Variants in WDR19 observed in about 807,000 individuals in gnomAD.
WDR19 encodes the protein WD repeat-containing protein 19.
A neutral mutation model predicts 180.0 loss-of-function variants in WDR19; 121 were observed. That is an observed-to-expected ratio of 0.67 (90% CI 0.58 to 0.78). The LOEUF (loss-of-function observed/expected upper bound fraction) is 0.78, where lower values mean the gene tolerates loss of function less well. WDR19 is among the 30% of genes least tolerant of loss of function. The pLI is 0.00. For missense variants in WDR19, 1,450 were observed against 1,640.7 expected (o/e 0.88, Z 2.01); for synonymous variants, 497 against 540.7 (o/e 0.92, Z 1.12).
intron 6 of WDR19, among the ~76,000 whole-genome samples, chr4:39,200,301 A>T (rs1727238229): frequency 1.3e-5 from 2 of 152,236 alleles, no homozygotes; most frequent in African/African-American, 4.8e-5. Flanking sequence ...TTAACCATTA[A>T]TCAAAATGTA....
chr4:39,216,281 G>T, intron 12 of WDR19, 71 bp downstream of exon 12: 2 of 1,246,192 alleles, frequency 1.6e-6, no homozygotes. Context: ...AGCACTGCAA[G>T]TTTCTTTTAG....
intron 28 of WDR19, among the ~76,000 whole-genome samples, chr4:39,258,037 T>C (rs147019234): frequency 9.7e-4 from 147 of 152,228 alleles, no homozygotes; most frequent in Middle Eastern, 3.4e-3. Flanking sequence ...TATAGATTTG[T>C]TTTGCCTGTG....
chr4:39,281,232 T>TAGAGAGAGAGAGAGAG (rs542816951), intron 36 of WDR19, among the ~76,000 whole-genome samples: 234 of 100,834 alleles, frequency 2.3e-3, no homozygotes, highest in African/African-American at 4.8e-3. Flanking sequence ...TATATATATA[T>TAGAGAGAGAGAGAGAG]ATATAGAGAG....
intron 14 of WDR19, 113 bp downstream of exon 14, chr4:39,218,218 T>C (rs946936145): frequency 5.1e-5 from 64 of 1,264,762 alleles, no homozygotes; most frequent in Admixed American, 6.9e-5. Context: ...CCAATACAAT[T>C]AATGAAGTTA....
chr4:39,266,652 G>GA (rs1734827872), intron 29 of WDR19, among the ~76,000 whole-genome samples: 3 of 152,162 alleles, frequency 2.0e-5, no homozygotes, highest in Admixed American at 2.0e-4. Flanking sequence ...TAGGAACTAT[G>GA]AAAAAAGATC....
chr4:39,212,866 C>T (rs1728694020), intron 9 of WDR19, among the ~76,000 whole-genome samples: 1 of 152,042 alleles, frequency 6.6e-6, no homozygotes, highest in Non-Finnish European at 1.5e-5. Context: ...GAAAATAATA[C>T]ATTTACTTAT....
At chr4:39,278,430 A>G (rs1311878093) in intron 35 of WDR19, 109 bp from the exon 36 acceptor site, 1 of 852,928 alleles carries the variant, frequency 1.2e-6, no homozygotes, top group South Asian at 1.8e-5. Context: ...CATGGTGGAC[A>G]TGTGTTAAGA....
At chr4:39,244,113 T>A in intron 21 of WDR19, 135 bp from the exon 22 acceptor site, 1 of 1,077,018 alleles carries the variant, frequency 9.3e-7, no homozygotes, top group Non-Finnish European at 1.2e-6. Context: ...TATTTTAAAA[T>A]CATGAGGCTT....
chr4:39,205,502 AC>A, intron 8 of WDR19, 60 bp from the exon 9 acceptor site: 1 of 1,532,650 alleles, frequency 6.5e-7, no homozygotes, highest in Non-Finnish European at 8.8e-7. Flanking sequence ...TTGCTAATTT[AC>A]CATGTTGCCA....
chr4:39,205,421 C>T, intron 8 of WDR19, 142 bp from the exon 9 acceptor site: 1 of 1,178,226 alleles, frequency 8.5e-7, no homozygotes, highest in Non-Finnish European at 1.2e-6. Flanking sequence ...TGCAAAACTA[C>T]CTAGTATATT....
In WDR19 at chr4:39,245,517, A is replaced by G. The variant is rs916475262; in HGVS notation, c.2729+65A>G. The stretch of plus-strand genomic sequence containing the variant: ...TGTAAGCTTTACAAATTAACCATTG[A>G]TATTTGCAACCCTGTAAGAAAGGCA... On this transcript the variant is annotated intron_variant, in intron 24 of 36. Transcript: ENST00000399820. 7 of 1,510,374 alleles carry G rather than the reference A, an allele frequency of 4.6e-6. No individual in the cohort carries two copies. The highest frequency in any genetic ancestry group is 6.3e-6 in the Non-Finnish European group (7 of 1,104,444). The allele number at this position is 1,510,374 out of a possible 1,614,324, so 93.6% of individuals were successfully genotyped here. A position where few individuals can be genotyped will look rare whatever the true frequency, so the allele number is the denominator to read the frequency against.
chr4:39,266,072 G>A lies in WDR19; in HGVS notation c.3193G>A (p.Ala1065Thr), dbSNP rs961651026. Reference protein sequence around the residue: ...IEMAIETVGQAKDELLTNQLI... With the variant: ...IEMAIETVGQTKDELLTNQLI... Reference sequence around the variant, plus strand: ...CTCTCTTATTAAACAGGTTGGTCAGGCCAAAGATGAACTGCTGACCAATCA... The same window carrying A: ...CTCTCTTATTAAACAGGTTGGTCAGACCAAAGATGAACTGCTGACCAATCA... The change falls in exon 29 of 37, where the codon GCC becomes ACC. Residue 1065 changes from alanine to threonine, a missense_variant. Physicochemically the swap from Ala to Thr is moderately conservative, Grantham distance 58. Coordinates refer to ENST00000399820, the MANE Select transcript of WDR19 (RefSeq NM_025132.4). 4 of 1,554,872 alleles carry A rather than the reference G, an allele frequency of 2.6e-6. No homozygotes were observed. The highest frequency in any genetic ancestry group is 1.9e-5 in the Admixed American group (1 of 51,308).
At chr4:39,222,412 T>A (rs887224536) in intron 14 of WDR19, among the ~76,000 whole-genome samples, 3 of 152,236 alleles carry the variant, frequency 2.0e-5, no homozygotes, top group Non-Finnish European at 2.9e-5. Flanking sequence ...TTTTTTTTAA[T>A]GTTTACAAAG....
chr4:39,237,862 A>G (rs1731531924), intron 20 of WDR19: 1 of 152,246 alleles, frequency 6.6e-6, no homozygotes, highest in Non-Finnish European at 1.5e-5. Context: ...GTCCTGTCAG[A>G]GTACAGACAC....
At position 39,244,492 on chromosome 4, in the gene WDR19, T is replaced by C. The variant is rs1414268971; in HGVS notation, c.2585T>C (p.Leu862Pro). The change falls in exon 23 of 37, where the codon CTG becomes CCG. Residue 862 changes from leucine to proline, a missense_variant. Transcript: ENST00000399820. ...TAGCAATTTTCAGAAGCGGCCCAACTGTATGAAAAAGGTCTCTACTACGAT... is the reference window on the plus strand; with the variant it reads ...TAGCAATTTTCAGAAGCGGCCCAACCGTATGAAAAAGGTCTCTACTACGAT... The part of the protein sequence containing the change: ...NMKQFSEAAQ[L>P]YEKGLYYDKA... 3 of 1,613,908 alleles carry C rather than the reference T, an allele frequency of 1.9e-6. No individual in the cohort carries two copies. The African/African-American group carries it at 4.0e-5, about 22-fold the overall frequency.
chr4:39,211,505 G>A (rs1002859999), intron 9 of WDR19, among the ~76,000 whole-genome samples: 1 of 152,064 alleles, frequency 6.6e-6, no homozygotes, highest in South Asian at 2.1e-4. Context: ...ATGAGTTTTA[G>A]TTTATTTTTC....
At chr4:39,246,941 A>C (rs202159097) in intron 24 of WDR19, among the ~76,000 whole-genome samples, 258 of 143,384 alleles carry the variant, frequency 1.8e-3, no homozygotes, top group South Asian at 2.2e-3. Context: ...GGCACAGACA[A>C]ACAAAAGACA....
intron 2 of WDR19, 26 bp downstream of exon 2, chr4:39,185,843 C>T: frequency 6.6e-7 from 1 of 1,523,222 alleles, no homozygotes; most frequent in Non-Finnish European, 8.9e-7. Flanking sequence ...ATGTTTTAAG[C>T]AGTGGTTGCA....
At chr4:39,212,583 G>A (rs1728664931) in intron 9 of WDR19, among the ~76,000 whole-genome samples, 2 of 152,186 alleles carry the variant, frequency 1.3e-5, no homozygotes, top group Non-Finnish European at 2.9e-5. Flanking sequence ...CCTGAGGTCA[G>A]GAGTTTGAGA....
Sources: allele counts gnomAD v4.1 joint callset (sites outside exome capture counted in the v4.1 genomes callset), GRCh38; gene constraint gnomAD v4.1.1; transcripts MANE v1.5; gene names NCBI Gene and HGNC (gene_info 2026-07-23, HGNC 2026-07-21).